PHF20: variants seen among roughly 807,000 people sequenced by gnomAD.
The protein encoded by PHF20 is PHD finger protein 20, also known as glioma-expressed antigen 2.
Under a neutral mutation model 113.5 loss-of-function variants are expected in PHF20, and 23 were observed. That is an observed-to-expected ratio of 0.20 (90% CI 0.15 to 0.29). The LOEUF (loss-of-function observed/expected upper bound fraction) is 0.29. PHF20 is among the 10% of genes least tolerant of loss of function. The probability of loss-of-function intolerance (pLI) is 1.00; values close to 1 mark genes in which losing one functional copy is unlikely to be tolerated. For synonymous variants in PHF20, 434 were observed against 457.3 expected (o/e 0.95, Z 0.65); for missense variants, 943 against 1,219.6 (o/e 0.77, Z 3.38).
intron 1 of PHF20, among the ~76,000 whole-genome samples, chr20:35,786,996 T>C (rs2041432436): frequency 6.6e-6 from 1 of 150,894 alleles, no homozygotes; most frequent in Non-Finnish European, 1.5e-5. Flanking sequence ...CTGTTTTTTT[T>C]TTTTTTTTTT....
chr20:35,815,591 G>T (rs1600773056), intron 2 of PHF20, among the ~76,000 whole-genome samples: 1 of 151,982 alleles, frequency 6.6e-6, no homozygotes, highest in South Asian at 2.1e-4. Context: ...TCAGTCTCCT[G>T]AGTAGCTGGG....
intron 2 of PHF20, among the ~76,000 whole-genome samples, chr20:35,816,877 T>C (rs552525270): frequency 6.6e-6 from 1 of 151,932 alleles, no homozygotes; most frequent in East Asian, 1.9e-4. Flanking sequence ...CTGCAACCTC[T>C]GCCTCCTGGG....
At chr20:35,826,326 G>C (rs931842200) in intron 2 of PHF20, among the ~76,000 whole-genome samples, 3 of 152,178 alleles carry the variant, frequency 2.0e-5, no homozygotes, top group African/African-American at 7.2e-5. Flanking sequence ...TTACAGGTGT[G>C]AGCCACTGCA....
chr20:35,841,956 C>G (rs1054097219), intron 2 of PHF20, among the ~76,000 whole-genome samples: 1 of 152,174 alleles, frequency 6.6e-6, no homozygotes, highest in Admixed American at 6.5e-5. Context: ...GTGCTCAAGT[C>G]TTCTGTGTAT....
At chr20:35,792,915 T>G (rs756011941) in intron 1 of PHF20, among the ~76,000 whole-genome samples, 3 of 151,580 alleles carry the variant, frequency 2.0e-5, no homozygotes, top group South Asian at 2.1e-4. Context: ...TCAGTGATTT[T>G]TCTTGTCGTC....
chr20:35,814,387 T>G (rs2042030433), intron 2 of PHF20, among the ~76,000 whole-genome samples: 1 of 151,672 alleles, frequency 6.6e-6, no homozygotes, highest in Non-Finnish European at 1.5e-5. Flanking sequence ...CTGGCTAATT[T>G]TGTATTTTTA....
chr20:35,935,911 C>T (rs6060699), intron 15 of PHF20, among the ~76,000 whole-genome samples: 24,851 of 151,968 alleles, frequency 0.16, 2,625 homozygotes, highest in African/African-American at 0.3. Flanking sequence ...TCCCCAGTGA[C>T]CTGGTGAATT....
chr20:35,903,946 A>G (rs1455477790), intron 10 of PHF20, among the ~76,000 whole-genome samples: 1 of 152,126 alleles, frequency 6.6e-6, no homozygotes, highest in Non-Finnish European at 1.5e-5. Context: ...GCCTTGCCCC[A>G]GTTTGTCAGG....
intron 1 of PHF20, among the ~76,000 whole-genome samples, chr20:35,797,025 A>AT (rs781735669): frequency 2.0e-5 from 3 of 151,436 alleles, no homozygotes; most frequent in Non-Finnish European, 2.9e-5. Flanking sequence ...TTTTTTTTGG[A>AT]TTTTTTGTAG....
chr20:35,876,953 A>C (rs945052363), intron 9 of PHF20, among the ~76,000 whole-genome samples: 1 of 148,554 alleles, frequency 6.7e-6, no homozygotes, highest in Non-Finnish European at 1.5e-5. Flanking sequence ...AAAAATACAA[A>C]AAAATTGGCC....
chr20:35,855,776 C>T lies in PHF20; in HGVS notation c.341-2526C>T, dbSNP rs376724676. 9.9e-5 allele frequency among the ~76,000 whole-genome samples: 15 copies of T among 152,120 alleles called. No individual in the cohort carries two copies. The East Asian group carries it at 1.9e-3, about 20-fold the overall frequency. On this transcript the variant is annotated intron_variant, in intron 4 of 17. Coordinates refer to ENST00000374012, the MANE Select transcript of PHF20 (RefSeq NM_016436.5). ...GCAACCTCCACTTCCTGGGTTCAGG[C>T]GATTCTCTTGCCTCAGCCTCCTGAG...
At chr20:35,935,585 T>G (rs2055849139) in intron 15 of PHF20, among the ~76,000 whole-genome samples, 1 of 152,220 alleles carries the variant, frequency 6.6e-6, no homozygotes, top group South Asian at 2.1e-4. Context: ...CAGGGTGGTC[T>G]CGAACTCCTG....
chr20:35,902,146 G>C (rs988102017), intron 10 of PHF20, among the ~76,000 whole-genome samples: 16 of 152,150 alleles, frequency 1.1e-4, no homozygotes, highest in African/African-American at 3.6e-4. Context: ...TCTGAGTGCT[G>C]TTGGGGAGGA....
At chr20:35,817,850 G>A (rs1334630950) in intron 2 of PHF20, among the ~76,000 whole-genome samples, 2 of 151,984 alleles carry the variant, frequency 1.3e-5, no homozygotes, top group Non-Finnish European at 2.9e-5. Context: ...GCTTATGCCT[G>A]TGATCCTAGC....
chr20:35,934,086 GT>G (rs1319645652), intron 15 of PHF20, among the ~76,000 whole-genome samples: 2 of 152,254 alleles, frequency 1.3e-5, no homozygotes, highest in African/African-American at 4.8e-5. Context: ...AGTGCGATGA[GT>G]GAGTTAAGAC....
Position 35,898,601 on chromosome 20 carries a change from A to AT in PHF20, c.1283-762dup, listed in dbSNP as rs545343772. On this transcript the variant is annotated intron_variant, in intron 9 of 17. Transcript: ENST00000374012. The stretch of plus-strand genomic sequence containing the variant: ...AGATGTGCTCCACCATGCCTGGCTA[A>AT]TTTTTTTGTTTGTTTGTTTTTTGTT... Among the ~76,000 whole-genome samples the AT allele has an allele frequency of 2.4e-3, 370 of 151,678 alleles. 4 individuals are homozygous for AT. Among genetic ancestry groups the AT allele is most frequent in the Non-Finnish European group, 4.1e-3 (281 of 67,868 alleles).
At chr20:35,865,881 C>G (rs772054523) in intron 6 of PHF20, among the ~76,000 whole-genome samples, 30 of 152,126 alleles carry the variant, frequency 2.0e-4, no homozygotes, top group Non-Finnish European at 4.1e-4. Flanking sequence ...TGAGACCAGG[C>G]TGGCCAACAT....
At chr20:35,873,002 T>C (rs968284163) in intron 9 of PHF20, among the ~76,000 whole-genome samples, 1 of 152,212 alleles carries the variant, frequency 6.6e-6, no homozygotes, top group Non-Finnish European at 1.5e-5. Context: ...GGTTGTTAGG[T>C]TGTTAAAATC....
chr20:35,883,633 G>T (rs990771747), intron 9 of PHF20, among the ~76,000 whole-genome samples: 4 of 152,130 alleles, frequency 2.6e-5, no homozygotes, highest in Non-Finnish European at 5.9e-5. Context: ...GTAGAGACAG[G>T]GTTTTGCCAT....
Sources: allele counts gnomAD v4.1 joint callset (sites outside exome capture counted in the v4.1 genomes callset), GRCh38; gene constraint gnomAD v4.1.1; transcripts MANE v1.5; gene names NCBI Gene and HGNC (gene_info 2026-07-23, HGNC 2026-07-21).